Variants in MALRD1 observed in about 807,000 individuals in gnomAD.
The protein encoded by MALRD1 is MAM and LDL-receptor class A domain-containing protein 1.
MALRD1 carries 247 observed loss-of-function variants against 242.1 expected under a neutral mutation model. The ratio of observed to expected loss-of-function variants is 1.02; its 90% CI spans 0.92 to 1.13. The LOEUF is 1.13. MALRD1 is among the 50% of genes most tolerant of loss of function. The pLI, the probability that MALRD1 is intolerant of heterozygous loss-of-function variation, is 0.00. For synonymous variants in MALRD1, 995 were observed against 866.6 expected (o/e 1.15, Z -2.60); for missense variants, 2,989 against 2,533.1 (o/e 1.18, Z -3.86).
chr10:19,538,195 G>T (rs1379012707), intron 32 of MALRD1, among the ~76,000 whole-genome samples: 1 of 152,120 alleles, frequency 6.6e-6, no homozygotes, highest in Non-Finnish European at 1.5e-5. Flanking sequence ...ATTTATCTCA[G>T]CCTTCAAAGT....
intron 28 of MALRD1, among the ~76,000 whole-genome samples, chr10:19,446,271 C>G (rs978566489): frequency 1.3e-5 from 2 of 152,140 alleles, no homozygotes; most frequent in African/African-American, 4.8e-5. Flanking sequence ...TCAGCTTACA[C>G]TCTGTGGGCT....
chr10:19,127,554 ATTTTTGAAAATGAAGTT>A (rs1837321213), intron 7 of MALRD1, among the ~76,000 whole-genome samples: 2 of 152,180 alleles, frequency 1.3e-5, no homozygotes, highest in Admixed American at 1.3e-4. Flanking sequence ...TTCAGACTTT[ATTTTTGAAAATGAAGTT>A]GTAAAATTAT....
chr10:19,402,994 A>G (rs747245368), intron 28 of MALRD1, among the ~76,000 whole-genome samples: 5 of 58,132 alleles, frequency 8.6e-5, no homozygotes, highest in Non-Finnish European at 1.5e-4. Context: ...TTGTAGACTC[A>G]TATAATGTTA....
intron 28 of MALRD1, among the ~76,000 whole-genome samples, chr10:19,430,167 T>C (rs1834068503): frequency 7.7e-6 from 1 of 129,424 alleles, no homozygotes; most frequent in Non-Finnish European, 1.6e-5. Flanking sequence ...CAGGCTGGAG[T>C]GCAGTGGCAC....
intron 28 of MALRD1, among the ~76,000 whole-genome samples, chr10:19,416,498 A>G (rs545421969): frequency 2.0e-5 from 3 of 152,266 alleles, no homozygotes; most frequent in East Asian, 1.9e-4. Flanking sequence ...AACCCTTCTC[A>G]TCTGCTCAAA....
intron 38 of MALRD1, among the ~76,000 whole-genome samples, chr10:19,725,236 G>A (rs140382060): frequency 1.7e-3 from 262 of 152,238 alleles, no homozygotes; most frequent in Non-Finnish European, 3.1e-3. Flanking sequence ...GCCGTGGGAG[G>A]GACCTAGTGG....
chr10:19,508,928 T>G (rs1308735007), intron 31 of MALRD1, among the ~76,000 whole-genome samples: 2 of 152,112 alleles, frequency 1.3e-5, no homozygotes, highest in Non-Finnish European at 2.9e-5. Context: ...TGAAGATGAG[T>G]AGTCTTTTAC....
intron 36 of MALRD1, among the ~76,000 whole-genome samples, chr10:19,652,838 G>A (rs987960486): frequency 1.3e-5 from 2 of 152,196 alleles, no homozygotes; most frequent in African/African-American, 4.8e-5. Context: ...CTTGTAAGTT[G>A]TAGAGCAGAG....
chr10:19,514,203 A>G (rs1248806504), intron 31 of MALRD1, among the ~76,000 whole-genome samples: 4 of 152,204 alleles, frequency 2.6e-5, no homozygotes, highest in Admixed American at 1.3e-4. Flanking sequence ...TTTGCAACAT[A>G]AAATAATTTA....
intron 18 of MALRD1, among the ~76,000 whole-genome samples, chr10:19,252,177 A>G (rs1391920744): frequency 1.3e-5 from 2 of 152,068 alleles, no homozygotes; most frequent in African/African-American, 4.8e-5. Context: ...GGTGCATAAT[A>G]GGGAGGACTA....
intron 38 of MALRD1, among the ~76,000 whole-genome samples, chr10:19,715,458 T>C (rs1041531176): frequency 8.6e-5 from 13 of 151,936 alleles, no homozygotes; most frequent in Non-Finnish European, 1.6e-4. Flanking sequence ...ACTGTGGGGC[T>C]TTGAGGTATC....
chr10:19,332,683 C>CAT (rs1259437477), intron 24 of MALRD1, among the ~76,000 whole-genome samples: 1 of 152,152 alleles, frequency 6.6e-6, no homozygotes, highest in African/African-American at 2.4e-5. Flanking sequence ...ATAGAGCTTA[C>CAT]ATATATATAG....
chr10:19,251,852 A>G (rs1430710941), intron 18 of MALRD1, among the ~76,000 whole-genome samples: 3 of 151,954 alleles, frequency 2.0e-5, no homozygotes, highest in Admixed American at 1.3e-4. Flanking sequence ...TGCTGTTTTC[A>G]TGATGATGAG....
intron 29 of MALRD1, among the ~76,000 whole-genome samples, chr10:19,460,878 A>C (rs6481930): frequency 6.6e-6 from 1 of 152,022 alleles, no homozygotes; most frequent in Non-Finnish European, 1.5e-5. Context: ...CACTCTGCGC[A>C]GTCCGGGAAT....
chr10:19,102,373 C>G (rs1395061021), intron 4 of MALRD1, among the ~76,000 whole-genome samples: 1 of 151,794 alleles, frequency 6.6e-6, no homozygotes, highest in Non-Finnish European at 1.5e-5. Context: ...GAAAATACGA[C>G]TTTCTTAGGA....
intron 18 of MALRD1, 28 bp from the exon 19 acceptor site, chr10:19,257,656 A>C: frequency 6.9e-7 from 1 of 1,446,934 alleles, no homozygotes; most frequent in Non-Finnish European, 9.4e-7. Context: ...CACATTTCTT[A>C]TTTTTATTTT....
At chr10:19,722,823 T>C (rs73597609) in intron 38 of MALRD1, among the ~76,000 whole-genome samples, 3,919 of 152,088 alleles carry the variant, frequency 0.026, 114 homozygotes, top group African/African-American at 0.076. Flanking sequence ...GGGCACCTAC[T>C]TGTGATAAGC....
At chr10:19,555,173 T>G (rs1835663190) in intron 32 of MALRD1, among the ~76,000 whole-genome samples, 1 of 152,110 alleles carries the variant, frequency 6.6e-6, no homozygotes, top group Non-Finnish European at 1.5e-5. Context: ...CCAGGCTTCT[T>G]TAAACAACCA....
In MALRD1 at chr10:19,531,354, A is replaced by G. The variant is rs1434128163; in HGVS notation, c.5478+3A>G. 1.3e-6 allele frequency: 2 copies of G among 1,524,110 alleles called. No individual in the cohort carries two copies. Among genetic ancestry groups the G allele is most frequent in the South Asian group, 2.5e-5 (2 of 80,632 alleles). The allele number at this position is 1,524,110 out of a possible 1,614,324, so 94.4% of individuals were successfully genotyped here. On this transcript the variant is annotated splice_donor_region_variant and intron_variant, in intron 32 of 39. Transcript: ENST00000454679. ...CCAGGAGTATGGGAATATTAAAGGT[A>G]CAAAAGGAAGCCAGAGATTTATGAT... is the stretch of plus-strand genomic sequence containing the variant.
Sources: allele counts gnomAD v4.1 joint callset (sites outside exome capture counted in the v4.1 genomes callset), GRCh38; gene constraint gnomAD v4.1.1; transcripts MANE v1.5; gene names NCBI Gene and HGNC (gene_info 2026-07-23, HGNC 2026-07-21).